The following BRWD3 variants were observed in gnomAD, a reference collection of about 807,000 sequenced individuals.
BRWD3 encodes the protein bromodomain and WD repeat domain containing 3, also known as bromodomain and WD repeat-containing protein 3.
BRWD3 carries 10 observed loss-of-function variants against 149.7 expected under a neutral mutation model. The observed-to-expected ratio is 0.07, with a 90% CI of 0.04 to 0.11. BRWD3 has a LOEUF of 0.11. BRWD3 is among the 10% of genes least tolerant of loss of function. The pLI is 1.00. For synonymous variants in BRWD3, 504 were observed against 456.7 expected, an observed-to-expected ratio of 1.10 and a Z score of -1.32; for missense variants, 940 against 1,373.2, an observed-to-expected ratio of 0.68 and a Z score of 4.99.
intron 6 of BRWD3, among the ~76,000 whole-genome samples, chrX:80,756,615 T>G (rs928645329): frequency 1.8e-5 from 2 of 110,586 alleles, no homozygotes; most frequent in Middle Eastern, 4.7e-3. Context: ...TACAGTAGCC[T>G]TTATTAGGAA....
chrX:80,696,087 GAAAA>G, intron 26 of BRWD3, 97 bp from the exon 27 acceptor site: 1 of 791,405 alleles, frequency 1.3e-6, no homozygotes, highest in Non-Finnish European at 1.9e-6. Context: ...GACCCATTGA[GAAAA>G]GTTTGCAAAC....
At chrX:80,681,912 A>G in intron 39 of BRWD3, 85 bp downstream of exon 39, 2 of 798,436 alleles carry the variant, frequency 2.5e-6, no homozygotes, top group South Asian at 4.2e-5. Flanking sequence ...TGTTCTTTGC[A>G]CTATAAACCA....
In BRWD3 at chrX:80,809,728, A is replaced by G; in HGVS notation, c.-257T>C. 1 of 208,105 alleles carries G rather than the reference A, an allele frequency of 4.8e-6. No individual in the cohort carries two copies. Among genetic ancestry groups the G allele is most frequent in the Non-Finnish European group, 8.6e-6 (1 of 116,046 alleles). The allele number at this position is 208,105 out of a possible 1,213,427, so 17.2% of individuals were successfully genotyped here. A position where few individuals can be genotyped will look rare whatever the true frequency, so the allele number is the denominator to read the frequency against. On this transcript the variant is annotated 5_prime_UTR_variant, in exon 1 of 41. Coordinates refer to ENST00000373275, the MANE Select transcript of BRWD3 (RefSeq NM_153252.5). ...GAGAGAGAGTGAGTGAGTGAGAGAG[A>G]GAGAGAGAAGAGAGAGAGAGAGAGA...
chrX:80,768,416 G>A (rs887154684), intron 6 of BRWD3, among the ~76,000 whole-genome samples: 2 of 111,508 alleles, frequency 1.8e-5, no homozygotes, highest in Non-Finnish European at 3.8e-5. Context: ...AGAGATTGGG[G>A]GCCAATATTC....
intron 36 of BRWD3, among the ~76,000 whole-genome samples, chrX:80,684,513 T>A (rs2072495915): frequency 8.9e-6 from 1 of 112,229 alleles, no homozygotes; most frequent in African/African-American, 3.2e-5. Flanking sequence ...GATGGGATTA[T>A]TCACATATGA....
At chrX:80,777,643 C>T (rs1371100606) in intron 6 of BRWD3, among the ~76,000 whole-genome samples, 1 of 111,292 alleles carries the variant, frequency 9.0e-6, no homozygotes, top group East Asian at 2.8e-4. Context: ...AAGTGATCCT[C>T]CAGCACTGGC....
Position 80,686,959 on chromosome X carries a change from A to G in BRWD3, c.3909T>C (p.Asp1303=), listed in dbSNP as rs763220078. 8.3e-7 allele frequency: 1 copy of G among 1,210,095 alleles called. No homozygotes were observed. Among genetic ancestry groups the G allele is most frequent in the Non-Finnish European group, 1.1e-6 (1 of 894,372 alleles). Residue 1303 remains aspartate (D), a synonymous_variant, in exon 35 of 41, where the codon GAT becomes GAC. Transcript: ENST00000373275. ...GTTCCTTGCATTGTTTTTTCCAAGC[A>G]TCAGGATTACACTTTAAAGACTGTC... ...GRRQSLKCNP[D]AWKKQCKELL...
chrX:80,749,817 C>A (rs1015741400), intron 6 of BRWD3, among the ~76,000 whole-genome samples: 5 of 111,748 alleles, frequency 4.5e-5, no homozygotes, highest in African/African-American at 1.3e-4. Flanking sequence ...AAGCTAGAGG[C>A]ATCATGCTCC....
intron 6 of BRWD3, among the ~76,000 whole-genome samples, chrX:80,764,464 C>G (rs1385479543): frequency 9.4e-6 from 1 of 106,722 alleles, no homozygotes; most frequent in African/African-American, 3.6e-5. Context: ...TGCCACCACG[C>G]CTGGATAATT....
At position 80,685,547 on chromosome X, in the gene BRWD3, G is replaced by T; in HGVS notation, c.4006-11C>A. 5 of 1,168,938 alleles carry T rather than the reference G, an allele frequency of 4.3e-6. No individual in the cohort carries two copies. Among genetic ancestry groups the T allele is most frequent in the Non-Finnish European group, 4.7e-6 (4 of 857,443 alleles). Reference sequence around the variant, plus strand: ...TTGCTCCTGATGACCCTATTAGGGTGAAGAACATATACTGGTTTCCAGACA... The same window carrying T: ...TTGCTCCTGATGACCCTATTAGGGTTAAGAACATATACTGGTTTCCAGACA... On this transcript the variant is annotated splice_polypyrimidine_tract_variant and intron_variant, in intron 35 of 40. Coordinates refer to ENST00000373275, the MANE Select transcript of BRWD3 (RefSeq NM_153252.5).
chrX:80,809,458 G>C lies in BRWD3; in HGVS notation c.14C>G (p.Pro5Arg), dbSNP rs773723606. MAAA[P>R]TQIEAELYYL... Reference sequence around the variant, plus strand: ...CTACCCACCGGCTTCGATCTGGGTAGGTGCTGCCGCCATCCTTTTCCCGAG... The same window carrying C: ...CTACCCACCGGCTTCGATCTGGGTACGTGCTGCCGCCATCCTTTTCCCGAG... Residue 5 changes from proline to arginine, a missense_variant, in exon 1 of 41, where the codon CCT (proline) becomes CGT (arginine). Pro to Arg is a moderately radical substitution (Grantham distance 103). Around this residue, in one of 6 missense-constraint regions of BRWD3, gnomAD observed 105 missense variants for 127.7 expected, o/e 0.82. Coordinates refer to ENST00000373275, the MANE Select transcript of BRWD3 (RefSeq NM_153252.5). The C allele has an allele frequency of 1.9e-4, 218 of 1,166,923 alleles. 2 individuals are homozygous for C. In the South Asian group the frequency reaches 4.0e-3, roughly 21 times the overall value.
intron 37 of BRWD3, among the ~76,000 whole-genome samples, chrX:80,683,718 T>C (rs1444976908): frequency 9.0e-6 from 1 of 111,503 alleles, no homozygotes; most frequent in African/African-American, 3.3e-5. Context: ...TTCACATAAA[T>C]CAACACTGTC....
intron 4 of BRWD3, among the ~76,000 whole-genome samples, chrX:80,805,887 A>T (rs960128662): frequency 9.9e-5 from 11 of 111,483 alleles, no homozygotes; most frequent in African/African-American, 2.9e-4. Context: ...GTGAGCCGAG[A>T]TCCCGCCACT....
At chrX:80,768,750 T>A (rs746679085) in intron 6 of BRWD3, among the ~76,000 whole-genome samples, 22 of 111,067 alleles carry the variant, frequency 2.0e-4, no homozygotes, top group African/African-American at 7.2e-4. Flanking sequence ...TAAATGTAAA[T>A]GGGCTAAATG....
chrX:80,773,159 C>G (rs1396878582), intron 6 of BRWD3, among the ~76,000 whole-genome samples: 1 of 111,752 alleles, frequency 8.9e-6, no homozygotes, highest in African/African-American at 3.3e-5. Context: ...TTTATCTTGA[C>G]TGTGTTAGTG....
At chrX:80,803,913 A>T (rs1198483071) in intron 4 of BRWD3, among the ~76,000 whole-genome samples, 1 of 112,548 alleles carries the variant, frequency 8.9e-6, no homozygotes, top group Non-Finnish European at 1.9e-5. Context: ...ATTTAAATAC[A>T]GTGTTTTAAA....
chrX:80,738,490 A>G lies in BRWD3; in HGVS notation c.814-2402T>C, dbSNP rs2073437273. ...AAAATACAAAACGTGGGAGAATAAT[A>G]TATCACTGATGTTAATAAACACAGC... On this transcript the variant is annotated intron_variant, in intron 8 of 40. Coordinates refer to ENST00000373275, the MANE Select transcript of BRWD3 (RefSeq NM_153252.5). Among the ~76,000 whole-genome samples, 5 of 111,914 alleles carry G rather than the reference A, an allele frequency of 4.5e-5. No homozygotes were observed. In the South Asian group the frequency reaches 1.9e-3, roughly 42 times the overall value.
intron 6 of BRWD3, among the ~76,000 whole-genome samples, chrX:80,754,744 C>T (rs754362342): frequency 1.2e-4 from 13 of 112,290 alleles, no homozygotes; most frequent in Non-Finnish European, 2.4e-4. Flanking sequence ...TGGTGGCTCA[C>T]GCCTATTATC....
chrX:80,793,338 G>C (rs1211939653), intron 5 of BRWD3, among the ~76,000 whole-genome samples: 1 of 109,732 alleles, frequency 9.1e-6, no homozygotes, highest in Non-Finnish European at 1.9e-5. Context: ...AAAGAATATT[G>C]TAAGTATTTA....
Sources: allele counts gnomAD v4.1 joint callset (sites outside exome capture counted in the v4.1 genomes callset), GRCh38; gene constraint gnomAD v4.1.1; regional missense constraint gnomAD v4.1.1; transcripts MANE v1.5; gene names NCBI Gene and HGNC (gene_info 2026-07-23, HGNC 2026-07-21).